Variants in GRHL2 observed in about 807,000 individuals in gnomAD.
The protein encoded by GRHL2 is grainyhead-like protein 2 homolog.
In GRHL2, 21 loss-of-function variants were observed where a neutral mutation model predicts 83.8. The observed-to-expected ratio is 0.25, with a 90% CI of 0.18 to 0.36. GRHL2 has a LOEUF of 0.36. Among genes scored for constraint, GRHL2 ranks in the 10% least tolerant of loss-of-function variants. GRHL2 has a pLI of 1.00. For synonymous variants in GRHL2, 280 were observed against 278.9 expected (o/e 1.00, Z -0.04); for missense variants, 623 against 781.8 (o/e 0.80, Z 2.42).
chr8:101,670,363 C>G (rs1310133262), downstream of GRHL2, among the ~76,000 whole-genome samples: 1 of 152,250 alleles, frequency 6.6e-6, no homozygotes, highest in African/African-American at 2.4e-5. Flanking sequence ...CTTCCCATCT[C>G]TCTGTCTATA....
intron 1 of GRHL2, among the ~76,000 whole-genome samples, chr8:101,505,750 T>C (rs1237644202): frequency 6.6e-6 from 1 of 152,180 alleles, no homozygotes; most frequent in Non-Finnish European, 1.5e-5. Context: ...AAACACAAAT[T>C]TGCATTTCGA....
chr8:101,589,027 A>G (rs1344026183), intron 7 of GRHL2, among the ~76,000 whole-genome samples: 20 of 152,320 alleles, frequency 1.3e-4, no homozygotes, highest in Middle Eastern at 3.4e-3. Flanking sequence ...ATTACTGCTG[A>G]TTAACCACTT....
intron 14 of GRHL2, among the ~76,000 whole-genome samples, chr8:101,663,183 TAA>T (rs1813959999): frequency 6.6e-6 from 1 of 152,244 alleles, no homozygotes; most frequent in Admixed American, 6.5e-5. Flanking sequence ...TTAAAAATTT[TAA>T]TAGCTTCTGC....
intron 7 of GRHL2, among the ~76,000 whole-genome samples, chr8:101,596,169 A>C (rs1812387070): frequency 6.6e-6 from 1 of 152,000 alleles, no homozygotes; most frequent in African/African-American, 2.4e-5. Flanking sequence ...CAGAGAAAAA[A>C]GTGAAGAAAT....
In GRHL2 at chr8:101,553,916, G is replaced by A. The variant is rs189262626; in HGVS notation, c.284+1134G>A. ...GCTGGGATTACAGGTGTGGGCCACC[G>A]CACCTGGCCCAAACTCACCCACTTC... On this transcript the variant is annotated intron_variant, in intron 3 of 15. Coordinates refer to ENST00000646743, the MANE Select transcript of GRHL2 (RefSeq NM_024915.4). Among the ~76,000 whole-genome samples, 1,440 of 152,098 alleles carry A rather than the reference G, an allele frequency of 9.5e-3. 20 individuals are homozygous for A. Among genetic ancestry groups the A allele is most frequent in the Non-Finnish European group, 0.01 (701 of 67,990 alleles).
At chr8:101,500,113 CA>C (rs1234876256) in intron 1 of GRHL2, among the ~76,000 whole-genome samples, 1 of 151,876 alleles carries the variant, frequency 6.6e-6, no homozygotes, top group Non-Finnish European at 1.5e-5. Context: ...GAAATAAAAA[CA>C]AACAAACAAA....
At chr8:101,504,444 G>C (rs1042258078) in intron 1 of GRHL2, among the ~76,000 whole-genome samples, 1 of 152,194 alleles carries the variant, frequency 6.6e-6, no homozygotes, top group Non-Finnish European at 1.5e-5. Context: ...TCAGTGGGCT[G>C]CATGTGCCTA....
intron 9 of GRHL2, among the ~76,000 whole-genome samples, chr8:101,623,373 G>GT (rs1279409327): frequency 2.0e-5 from 3 of 152,002 alleles, no homozygotes; most frequent in Non-Finnish European, 4.4e-5. Flanking sequence ...ACAGTTCACA[G>GT]TAAGACAGTT....
At chr8:101,597,891 A>G (rs1259034552) in intron 7 of GRHL2, among the ~76,000 whole-genome samples, 2 of 152,198 alleles carry the variant, frequency 1.3e-5, no homozygotes, top group Non-Finnish European at 2.9e-5. Context: ...AGATCCGAAA[A>G]GGTCTGTAGT....
chr8:101,588,656 T>G (rs1812216358), intron 7 of GRHL2, among the ~76,000 whole-genome samples: 1 of 152,230 alleles, frequency 6.6e-6, no homozygotes, highest in South Asian at 2.1e-4. Flanking sequence ...AGTTCAAATT[T>G]AGTGAAAGAT....
chr8:101,539,784 A>T (rs190444638), intron 1 of GRHL2, among the ~76,000 whole-genome samples: 1 of 152,164 alleles, frequency 6.6e-6, no homozygotes, highest in East Asian at 1.9e-4. Context: ...TGACCAGCAC[A>T]TTCCTACCTA....
intron 2 of GRHL2, among the ~76,000 whole-genome samples, chr8:101,552,258 C>G (rs1364459588): frequency 6.6e-6 from 1 of 152,212 alleles, no homozygotes; most frequent in Non-Finnish European, 1.5e-5. Flanking sequence ...TGCCTAAGCA[C>G]TCCCAACCAC....
intron 2 of GRHL2, among the ~76,000 whole-genome samples, chr8:101,546,484 A>G (rs904964186): frequency 6.6e-6 from 1 of 150,906 alleles, no homozygotes; most frequent in Non-Finnish European, 1.5e-5. Context: ...ATCTCAGCTC[A>G]CTGTAACCTC....
intron 1 of GRHL2, among the ~76,000 whole-genome samples, chr8:101,497,186 G>A (rs2129956926): frequency 6.6e-6 from 1 of 152,306 alleles, no homozygotes; most frequent in Admixed American, 6.5e-5. Flanking sequence ...CACTCTGGAG[G>A]ATCCCTGGGG....
intron 7 of GRHL2, among the ~76,000 whole-genome samples, chr8:101,594,099 G>T (rs111458408): frequency 4.4e-5 from 4 of 90,172 alleles, no homozygotes; most frequent in East Asian, 2.8e-4. Flanking sequence ...AAAAAAAAAA[G>T]AGAGAGATAG....
chr8:101,514,720 C>T (rs991303446), intron 1 of GRHL2, among the ~76,000 whole-genome samples: 1 of 152,124 alleles, frequency 6.6e-6, no homozygotes, highest in South Asian at 2.1e-4. Context: ...GAGCTTTCTG[C>T]CAGTGGAATG....
intron 1 of GRHL2, among the ~76,000 whole-genome samples, chr8:101,514,403 G>T (rs1810526690): frequency 6.6e-6 from 1 of 152,230 alleles, no homozygotes; most frequent in South Asian, 2.1e-4. Flanking sequence ...ACCTGTGAGG[G>T]AATGGAGTAG....
chr8:101,577,564 A>C (rs748369416), intron 7 of GRHL2, 45 bp downstream of exon 7: 1 of 1,300,812 alleles, frequency 7.7e-7, no homozygotes, highest in East Asian at 2.3e-5. Flanking sequence ...ATAAACTGAC[A>C]TGTTGTCTCA....
At chr8:101,515,413 G>A (rs950653128) in intron 1 of GRHL2, among the ~76,000 whole-genome samples, 1 of 152,098 alleles carries the variant, frequency 6.6e-6, no homozygotes, top group African/African-American at 2.4e-5. Context: ...CTTAAGTCAC[G>A]GATTCTGTCC....
Sources: gnomAD v4.1 joint callset for allele counts (sites outside exome capture counted in the v4.1 genomes callset) on GRCh38, gnomAD v4.1.1 for gene constraint, MANE v1.5 for transcripts, NCBI Gene and HGNC (gene_info 2026-07-23, HGNC 2026-07-21) for gene names.